Variants in VDAC2 observed in about 807,000 individuals in gnomAD.
The protein encoded by VDAC2 is voltage dependent anion channel 2.
VDAC2 carries 6 observed loss-of-function variants against 36.6 expected under a neutral mutation model. The observed-to-expected ratio is 0.16, with a 90% confidence interval of 0.09 to 0.32. VDAC2 has a LOEUF of 0.32. Among genes scored for constraint, VDAC2 ranks in the 10% least tolerant of loss-of-function variants. The pLI is 1.00. For synonymous variants in VDAC2, 109 were observed against 123.8 expected (o/e 0.88, Z 0.79); for missense variants, 247 against 346.0 (o/e 0.71, Z 2.27).
At chr10:75,210,473 G>T (rs1404830947), upstream of VDAC2, among the ~76,000 whole-genome samples, 1 of 152,182 alleles carries the variant, frequency 6.6e-6, no homozygotes, top group East Asian at 1.9e-4. Flanking sequence ...TATCGCCCCG[G>T]CCACGCGCCG....
At chr10:75,222,495 A>G (rs1008910470) in intron 8 of VDAC2, 93 bp downstream of exon 8, 221 of 1,499,080 alleles carry the variant, frequency 1.5e-4, no homozygotes, top group Non-Finnish European at 1.9e-4. Flanking sequence ...AACTGATTTC[A>G]CACAGTCCCC....
chr10:75,223,267 C>T (rs568309003), intron 8 of VDAC2, among the ~76,000 whole-genome samples: 13 of 152,300 alleles, frequency 8.5e-5, no homozygotes, highest in Admixed American at 3.9e-4. Context: ...CATGAGACAC[C>T]ACAGCTGGCC....
In VDAC2 at chr10:75,210,823, G is replaced by A. The variant is rs909616650; in HGVS notation, c.-141G>A. 9.6e-5 allele frequency: 25 copies of A among 261,344 alleles called. No individual in the cohort carries two copies. Among genetic ancestry groups the A allele is most frequent in the Middle Eastern group, 1.1e-3 (1 of 884 alleles). 16.2% of individuals were successfully genotyped at this position (261,344 alleles called of 1,614,324 possible). On this transcript the variant is annotated 5_prime_UTR_variant, in exon 1 of 10. Transcript: ENST00000332211. ...AGGACAGGGTTGCGGCGGGCGGAAC[G>A]GTGTCTCCTTCACTTCGCCCTCCAG...
chr10:75,216,543 GCT>G (rs911734245), intron 4 of VDAC2, among the ~76,000 whole-genome samples: 1 of 152,178 alleles, frequency 6.6e-6, no homozygotes, highest in Non-Finnish European at 1.5e-5. Context: ...TTAATACCTG[GCT>G]CTGTTTTCTT....
At chr10:75,218,134 T>A (rs1263752240) in intron 4 of VDAC2, 5 of 357,598 alleles carry the variant, frequency 1.4e-5, no homozygotes, top group Non-Finnish European at 2.7e-5. Flanking sequence ...TTTTTTCTTT[T>A]TCAGTTCGTG....
intron 2 of VDAC2, 78 bp downstream of exon 2, chr10:75,211,267 C>T (rs1841410192): frequency 3.2e-6 from 5 of 1,554,176 alleles, no homozygotes; most frequent in African/African-American, 2.7e-5. Context: ...GTTTGTTTCC[C>T]CCTATCTTTC....
intron 8 of VDAC2, among the ~76,000 whole-genome samples, chr10:75,226,738 A>G (rs1173330813): frequency 3.9e-5 from 6 of 152,162 alleles, no homozygotes; most frequent in African/African-American, 7.2e-5. Flanking sequence ...CCGGGGTAAC[A>G]GGAACGAGCC....
chr10:75,217,236 G>T (rs150307151), intron 4 of VDAC2, among the ~76,000 whole-genome samples: 1 of 152,144 alleles, frequency 6.6e-6, no homozygotes, highest in Non-Finnish European at 1.5e-5. Flanking sequence ...CAACCTGGGC[G>T]ACAGAGTGAG....
rs765110695 is a variant in VDAC2, at chr10:75,214,083, G to A, written c.150+13G>A. Reference sequence around the variant, plus strand: ...TTGCAGTGGCGTGGTGAGTGTTACTGTTGAATAAGTTCTATTGAACCTTTA... The same window carrying A: ...TTGCAGTGGCGTGGTGAGTGTTACTATTGAATAAGTTCTATTGAACCTTTA... On this transcript the variant is annotated intron_variant, in intron 4 of 9. Transcript: ENST00000332211. The A allele has an allele frequency of 1.2e-6, 2 of 1,611,922 alleles. No homozygotes were observed. Among genetic ancestry groups the A allele is most frequent in the Admixed American group, 1.7e-5 (1 of 59,944 alleles).
At position 75,219,209 on chromosome 10, in the gene VDAC2, A is replaced by G; in HGVS notation, c.297A>G (p.Glu99=). ...CTCTGGGAACAGAAATCGCAATTGA[A>G]GACCAGGTAACATTTTGAAAATTTT... ...DNTLGTEIAI[E]DQICQGLKLT... is the part of the protein sequence containing the mutation. The change falls in exon 5 of 10, where the codon GAA becomes GAG. Residue 99 remains glutamate (E), a synonymous_variant. Transcript: ENST00000332211. 6.3e-7 allele frequency: 1 copy of G among 1,596,116 alleles called. No homozygotes were observed. The highest frequency in any genetic ancestry group is 8.5e-7 in the Non-Finnish European group (1 of 1,172,516).
intron 4 of VDAC2, among the ~76,000 whole-genome samples, chr10:75,214,332 C>T (rs532551472): frequency 6.6e-6 from 1 of 152,350 alleles, no homozygotes; most frequent in Non-Finnish European, 1.5e-5. Context: ...TAAGATTACA[C>T]ATTTGAAGGC....
At chr10:75,228,323 A>G (rs1842017763) in intron 8 of VDAC2, among the ~76,000 whole-genome samples, 1 of 151,654 alleles carries the variant, frequency 6.6e-6, no homozygotes, top group East Asian at 1.9e-4. Context: ...CACTGGTGCA[A>G]TCACAGCTCA....
intron 8 of VDAC2, chr10:75,229,334 C>G (rs1842043461): frequency 4.9e-6 from 1 of 203,858 alleles, no homozygotes; most frequent in African/African-American, 2.3e-5. Context: ...GTTTGTTGTG[C>G]TAGACTAGAA....
chr10:75,214,765 TCCAC>T (rs1589999388), intron 4 of VDAC2, among the ~76,000 whole-genome samples: 2 of 152,240 alleles, frequency 1.3e-5, no homozygotes, highest in East Asian at 3.8e-4. Context: ...CCTCAGGTGA[TCCAC>T]CCACCTTGGC....
intron 8 of VDAC2, 135 bp downstream of exon 8, chr10:75,222,537 A>G (rs1841843421): frequency 1.6e-6 from 2 of 1,265,946 alleles, no homozygotes; most frequent in South Asian, 2.9e-5. Context: ...TAGATTTTGA[A>G]ATGCGCTTTT....
At chr10:75,220,996 G>A (rs80023347) in intron 7 of VDAC2, 26 bp downstream of exon 7, 2 of 1,588,768 alleles carry the variant, frequency 1.3e-6, no homozygotes, top group Admixed American at 1.7e-5. Context: ...ATAGGATACT[G>A]TGATGTGGGC....
rs1841516294 is a variant in VDAC2 at position 75,213,943 on chromosome 10, T to C, written c.101-78T>C. On this transcript the variant is annotated intron_variant, in intron 3 of 9. Transcript: ENST00000332211. ...TGAATATGTGGAATCTTTTTGTTTT[T>C]TATGTATAGTCAACAATTGCTATGC... 2.8e-6 allele frequency: 4 copies of C among 1,414,548 alleles called. No individual in the cohort carries two copies. The South Asian group carries it at 4.7e-5, about 17-fold the overall frequency. The allele number at this position is 1,414,548 out of a possible 1,614,324, so 87.6% of individuals were successfully genotyped here.
At chr10:75,226,056 G>C (rs781499495) in intron 8 of VDAC2, among the ~76,000 whole-genome samples, 1 of 152,148 alleles carries the variant, frequency 6.6e-6, no homozygotes, top group African/African-American at 2.4e-5. Context: ...GCCTCCCAAA[G>C]TGCTGAGATT....
At chr10:75,223,462 C>T (rs187699356) in intron 8 of VDAC2, among the ~76,000 whole-genome samples, 2 of 152,298 alleles carry the variant, frequency 1.3e-5, no homozygotes, top group Admixed American at 6.5e-5. Context: ...CTTGGGACCC[C>T]TGTGTCATTT....
Sources: allele counts gnomAD v4.1 joint callset (sites outside exome capture counted in the v4.1 genomes callset), GRCh38; gene constraint gnomAD v4.1.1; transcripts MANE v1.5; gene names NCBI Gene and HGNC (gene_info 2026-07-23, HGNC 2026-07-21).